KIAA2012: variants seen among roughly 807,000 people sequenced by gnomAD.
KIAA2012 encodes uncharacterized protein KIAA2012.
KIAA2012 carries 125 observed loss-of-function variants against 150.6 expected under a neutral mutation model. That is an observed-to-expected ratio of 0.83 (90% CI 0.72 to 0.96). KIAA2012 has a LOEUF of 0.96. KIAA2012 is among the 40% of genes least tolerant of loss of function. KIAA2012 has a pLI of 0.00. For synonymous variants in KIAA2012, 462 were observed against 504.7 expected (o/e 0.92, Z 1.13); for missense variants, 1,219 against 1,354.9 (o/e 0.90, Z 1.57).
At chr2:202,145,788 G>A (rs922435046) in intron 13 of KIAA2012, among the ~76,000 whole-genome samples, 3 of 147,204 alleles carry the variant, frequency 2.0e-5, no homozygotes, top group African/African-American at 7.5e-5. Context: ...GGATTCAAGC[G>A]ATTCTCCTGC....
chr2:202,171,942 G>C (rs1207736509), intron 15 of KIAA2012, among the ~76,000 whole-genome samples: 1 of 149,794 alleles, frequency 6.7e-6, no homozygotes, highest in Non-Finnish European at 1.5e-5. Context: ...CGCCTCCCAG[G>C]TTCAAGCAAG....
intron 15 of KIAA2012, among the ~76,000 whole-genome samples, chr2:202,184,030 T>A (rs1210915198): frequency 6.6e-6 from 1 of 152,206 alleles, no homozygotes; most frequent in African/African-American, 2.4e-5. Context: ...AATGTCAAGT[T>A]AATGTATCAT....
intron 2 of KIAA2012, among the ~76,000 whole-genome samples, chr2:202,083,865 G>A (rs1321733058): frequency 6.6e-6 from 1 of 152,172 alleles, no homozygotes; most frequent in Non-Finnish European, 1.5e-5. Context: ...ATAAGAGAGT[G>A]AGATTATGAT....
At chr2:202,143,075 ATTT>A (rs59488285) in intron 13 of KIAA2012, among the ~76,000 whole-genome samples, 43,337 of 125,744 alleles carry the variant, frequency 0.34, 6,560 homozygotes, top group East Asian at 0.56. Context: ...CACTGGTTTA[ATTT>A]TTTTTTTTTT....
intron 15 of KIAA2012, among the ~76,000 whole-genome samples, chr2:202,172,561 T>G (rs778718889): frequency 5.3e-5 from 8 of 152,048 alleles, no homozygotes; most frequent in Non-Finnish European, 1.0e-4. Context: ...GTAACTGGAG[T>G]CTGCCCAGTG....
At chr2:202,203,898 T>A (rs1209506409) in intron 23 of KIAA2012, among the ~76,000 whole-genome samples, 1 of 151,662 alleles carries the variant, frequency 6.6e-6, no homozygotes. Flanking sequence ...GCTTCCCGAG[T>A]AGCTGAGACT....
intron 4 of KIAA2012, 107 bp downstream of exon 4, chr2:202,093,292 CA>C (rs1689779477): frequency 7.8e-6 from 9 of 1,148,840 alleles, no homozygotes; most frequent in Non-Finnish European, 1.1e-5. Context: ...TTCTGGGTTG[CA>C]TAGTCCTCAA....
chr2:202,121,633 A>G (rs546792362), intron 11 of KIAA2012, among the ~76,000 whole-genome samples: 5 of 152,286 alleles, frequency 3.3e-5, no homozygotes, highest in Non-Finnish European at 7.4e-5. Context: ...ATCACATATC[A>G]TAGGTAAGGA....
At chr2:202,089,971 T>A (rs1432717911) in intron 2 of KIAA2012, among the ~76,000 whole-genome samples, 1 of 152,238 alleles carries the variant, frequency 6.6e-6, no homozygotes, top group Non-Finnish European at 1.5e-5. Flanking sequence ...GAGATCACCT[T>A]CAGTTCAGCA....
intron 13 of KIAA2012, among the ~76,000 whole-genome samples, chr2:202,152,831 T>C (rs914642612): frequency 5.9e-5 from 9 of 152,204 alleles, no homozygotes; most frequent in African/African-American, 1.9e-4. Flanking sequence ...TGTTAATTCA[T>C]CATTAATGTT....
At chr2:202,160,400 A>G (rs1333575264) in intron 14 of KIAA2012, among the ~76,000 whole-genome samples, 1 of 133,420 alleles carries the variant, frequency 7.5e-6, no homozygotes, top group African/African-American at 2.9e-5. Flanking sequence ...TGCAAGCTCC[A>G]CCTCCCGGGT....
intron 23 of KIAA2012, among the ~76,000 whole-genome samples, chr2:202,202,934 A>G (rs1291572599): frequency 8.1e-6 from 1 of 123,454 alleles, no homozygotes; most frequent in African/African-American, 2.6e-5. Context: ...CTCTTAAGAA[A>G]AAAAAAAAAA....
At chr2:202,107,900 T>C (rs1690241987) in intron 9 of KIAA2012, among the ~76,000 whole-genome samples, 1 of 152,056 alleles carries the variant, frequency 6.6e-6, no homozygotes, top group South Asian at 2.1e-4. Flanking sequence ...TCCCAGCTAC[T>C]CTGGAGGCTG....
Position 202,100,298 on chromosome 2 carries a change from T to G in KIAA2012, c.1013-9T>G. Reference sequence around the variant, plus strand: ...TTAATATATTCTCATTCTCATCCTGTTTTTAAAGATAAACAAAGGAACGTG... The same window carrying G: ...TTAATATATTCTCATTCTCATCCTGGTTTTAAAGATAAACAAAGGAACGTG... On this transcript the variant is annotated splice_polypyrimidine_tract_variant and intron_variant, in intron 6 of 23. Coordinates refer to ENST00000498697, the MANE Select transcript of KIAA2012 (RefSeq NM_001277372.4). 1 of 1,548,920 alleles carries G rather than the reference T, an allele frequency of 6.5e-7. No homozygotes were observed. The highest frequency in any genetic ancestry group is 8.7e-7 in the Non-Finnish European group (1 of 1,146,158).
intron 15 of KIAA2012, among the ~76,000 whole-genome samples, chr2:202,171,296 A>G (rs918068958): frequency 7.9e-5 from 12 of 152,214 alleles, no homozygotes; most frequent in African/African-American, 2.7e-4. Flanking sequence ...GGTGTGGCCA[A>G]TCGGGGAGGG....
At chr2:202,161,718 T>C (rs768684703) in intron 14 of KIAA2012, among the ~76,000 whole-genome samples, 17 of 152,094 alleles carry the variant, frequency 1.1e-4, no homozygotes, top group Non-Finnish European at 1.9e-4. Flanking sequence ...TCACGCTGCA[T>C]TGCAAACTGA....
At chr2:202,186,902 G>A (rs563370422) in intron 16 of KIAA2012, 31 bp from the exon 17 acceptor site, 2 of 1,543,576 alleles carry the variant, frequency 1.3e-6, no homozygotes, top group African/African-American at 2.7e-5. Context: ...TTTTTCTTTA[G>A]TTTGGTCCTG....
intron 14 of KIAA2012, among the ~76,000 whole-genome samples, chr2:202,164,815 T>G (rs1198865329): frequency 6.6e-6 from 1 of 152,156 alleles, no homozygotes; most frequent in East Asian, 1.9e-4. Flanking sequence ...TCCAGTAAAC[T>G]CCTACATGCC....
At chr2:202,157,114 C>T (rs541486530) in intron 14 of KIAA2012, among the ~76,000 whole-genome samples, 2 of 152,276 alleles carry the variant, frequency 1.3e-5, no homozygotes, top group East Asian at 1.9e-4. Context: ...AAAGGACTCA[C>T]GAAGTACACG....
Sources: allele counts gnomAD v4.1 joint callset (sites outside exome capture counted in the v4.1 genomes callset), GRCh38; gene constraint gnomAD v4.1.1; transcripts MANE v1.5; gene names NCBI Gene and HGNC (gene_info 2026-07-23, HGNC 2026-07-21).